The following KATNA1 variants were observed in gnomAD, a reference collection of about 807,000 sequenced individuals.
KATNA1 encodes the protein katanin p60 ATPase-containing subunit A1.
Under a neutral mutation model 62.6 loss-of-function variants are expected in KATNA1, and 42 were observed. The ratio of observed to expected loss-of-function variants is 0.67; its 90% CI spans 0.52 to 0.87. The LOEUF is 0.87. Among genes scored for constraint, KATNA1 ranks in the 40% least tolerant of loss-of-function variants. The pLI, the probability that KATNA1 is intolerant of heterozygous loss-of-function variation, is 0.00. For synonymous variants in KATNA1, 186 were observed against 201.9 expected (o/e 0.92, Z 0.67); for missense variants, 498 against 612.5 (o/e 0.81, Z 1.97).
At chr6:149,623,001 T>C in intron 4 of KATNA1, 102 bp downstream of exon 4, 3 of 882,924 alleles carry the variant, frequency 3.4e-6, no homozygotes, top group Non-Finnish European at 5.0e-6. Flanking sequence ...AGAGTGAGAC[T>C]GTCTCAAAAA....
chr6:149,604,661 C>T lies in KATNA1; in HGVS notation c.623G>A (p.Trp208Ter). Residue 208 changes from tryptophan (W) to a stop codon, truncating the protein, a stop_gained and splice_region_variant, in exon 5 of 11, where the codon TGG becomes TAG. Coordinates refer to ENST00000367411, the MANE Select transcript of KATNA1 (RefSeq NM_007044.4). LOFTEE classifies it high-confidence loss of function. ...ATTATTTGGTTGTGATATAACTTAC[C>T]ATCGAACATTGGGATTCTGGGAAAT... is the stretch of plus-strand genomic sequence containing the variant. ...DIISQNPNVR[W>*]DDIADLVEAK... 2.5e-6 allele frequency: 4 copies of T among 1,613,710 alleles called. No individual in the cohort carries two copies. Among genetic ancestry groups the T allele is most frequent in the Non-Finnish European group, 3.4e-6 (4 of 1,179,702 alleles).
chr6:149,607,620 A>T (rs1351309276), intron 4 of KATNA1, among the ~76,000 whole-genome samples: 1 of 152,196 alleles, frequency 6.6e-6, no homozygotes, highest in Non-Finnish European at 1.5e-5. Context: ...TCAAATAAAA[A>T]CAAACAATAA....
At chr6:149,623,012 A>C (rs972046518) in intron 4 of KATNA1, 91 bp downstream of exon 4, 1 of 1,056,520 alleles carries the variant, frequency 9.5e-7, no homozygotes, top group Admixed American at 3.1e-5. Flanking sequence ...GTCTCAAAAA[A>C]GGAAAAAAAG....
chr6:149,630,161 T>C (rs2114599592), intron 3 of KATNA1, among the ~76,000 whole-genome samples: 1 of 152,346 alleles, frequency 6.6e-6, no homozygotes, highest in South Asian at 2.1e-4. Flanking sequence ...CAATGAATTT[T>C]TCTATTTTTC....
At chr6:149,597,240 A>G (rs1454691458) in intron 9 of KATNA1, 51 bp from the exon 10 acceptor site, 2 of 1,569,018 alleles carry the variant, frequency 1.3e-6, no homozygotes, top group Non-Finnish European at 1.7e-6. Flanking sequence ...TAAACATAGT[A>G]TACTATTGTC....
intron 1 of KATNA1, among the ~76,000 whole-genome samples, chr6:149,645,461 A>AAC (rs1562306471): frequency 1.3e-5 from 2 of 151,428 alleles, no homozygotes; most frequent in African/African-American, 4.9e-5. Flanking sequence ...AAAAACAAAA[A>AAC]AAAAAAAAAG....
At chr6:149,599,037 A>G (rs1264961940) in intron 7 of KATNA1, among the ~76,000 whole-genome samples, 1 of 151,418 alleles carries the variant, frequency 6.6e-6, no homozygotes, top group Non-Finnish European at 1.5e-5. Flanking sequence ...GCTTATTTTT[A>G]TATTTTTGGT....
intron 6 of KATNA1, 37 bp downstream of exon 6, chr6:149,603,231 A>G: frequency 4.6e-6 from 4 of 863,160 alleles, no homozygotes; most frequent in Non-Finnish European, 7.5e-6. Flanking sequence ...ACATGCTGCC[A>G]TTTACTTTGA....
chr6:149,620,541 G>A (rs765691670), intron 4 of KATNA1, among the ~76,000 whole-genome samples: 7 of 152,082 alleles, frequency 4.6e-5, no homozygotes, highest in East Asian at 1.9e-4. Context: ...TGATCTGCCC[G>A]CCTTGGCCTC....
Position 149,601,737 on chromosome 6 carries a change from C to T in KATNA1, c.745G>A (p.Gly249Ser), listed in dbSNP as rs761454896. The part of the protein sequence containing the change: ...RRPWKGVLMV[G>S]PPGTGKTLLA... ...AGCGTCTTCCCCGTGCCAGGTGGGC[C>T]GACCATCAGTACTCCCTGTTGCGAA... is the stretch of plus-strand genomic sequence containing the variant. Residue 249 changes from glycine to serine, a missense_variant, in exon 7 of 11, where the codon GGC (glycine) becomes AGC (serine). Physicochemically the swap from Gly to Ser is moderately conservative, Grantham distance 56 (BLOSUM62 0). Transcript: ENST00000367411. 7.5e-6 allele frequency: 12 copies of T among 1,603,348 alleles called. No individual in the cohort carries two copies. The highest frequency in any genetic ancestry group is 2.2e-5 in the South Asian group (2 of 89,046).
rs73781249 is a variant in KATNA1 at position 149,597,630 on chromosome 6, T to C, written c.1027A>G (p.Thr343Ala). The C allele has an allele frequency of 8.0e-4, 1,286 of 1,613,794 alleles. 7 individuals are homozygous for C. The African/African-American group carries it at 0.015, about 19-fold the overall frequency. Residue 343 changes from threonine (T) to alanine (A), a missense_variant, in exon 9 of 11, where the codon ACT (threonine) becomes GCT (alanine). By Grantham distance (58) the Thr-to-Ala change is moderately conservative. Coordinates refer to ENST00000367411, the MANE Select transcript of KATNA1 (RefSeq NM_007044.4). Reference sequence around the variant, plus strand: ...TTGGAAGGGTCATCATTTTCAGAAGTACCTCCAACACCTAAAATAAGGGTA... The same window carrying C: ...TTGGAAGGGTCATCATTTTCAGAAGCACCTCCAACACCTAAAATAAGGGTA... ...LLVQMDGVGG[T>A]SENDDPSKMV...
Position 149,601,595 on chromosome 6 carries a change from A to AT in KATNA1, c.886dup (p.Met296AsnfsTer13). The AT allele has an allele frequency of 1.2e-6, 2 of 1,602,256 alleles. No homozygotes were observed. The highest frequency in any genetic ancestry group is 1.7e-6 in the Non-Finnish European group (2 of 1,175,326). On this transcript the variant is annotated frameshift_variant and splice_region_variant, in exon 7 of 11. Transcript: ENST00000367411. LOFTEE classifies it high-confidence loss of function. ...ATTAGAGCTGTCTCAAACATTCACC[A>AT]TTTCAAACAGAAGACGAACAAGCTT...
At chr6:149,640,334 G>A (rs1052863452) in intron 1 of KATNA1, among the ~76,000 whole-genome samples, 1 of 151,984 alleles carries the variant, frequency 6.6e-6, no homozygotes, top group Non-Finnish European at 1.5e-5. Context: ...GTGTGTGCCT[G>A]TAGTCCCAGC....
intron 4 of KATNA1, among the ~76,000 whole-genome samples, chr6:149,606,744 G>A (rs1378570242): frequency 9.3e-5 from 14 of 151,280 alleles, no homozygotes; most frequent in African/African-American, 2.9e-4. Context: ...TCAGCCTTCC[G>A]AGTAGCTGGG....
At chr6:149,595,990 C>G (rs942350176) in intron 10 of KATNA1, among the ~76,000 whole-genome samples, 1 of 152,182 alleles carries the variant, frequency 6.6e-6, no homozygotes, top group Non-Finnish European at 1.5e-5. Flanking sequence ...AGACTGTATT[C>G]TGTGCATATG....
intron 9 of KATNA1, 35 bp downstream of exon 9, chr6:149,597,472 T>C: frequency 6.2e-7 from 1 of 1,605,748 alleles, no homozygotes. Flanking sequence ...ACATGAAAGT[T>C]AACAGGCTTT....
At chr6:149,622,065 C>T (rs915377526) in intron 4 of KATNA1, among the ~76,000 whole-genome samples, 3 of 151,566 alleles carry the variant, frequency 2.0e-5, no homozygotes, top group Non-Finnish European at 4.4e-5. Context: ...TTATAAAGGT[C>T]TGTGGATTAG....
chr6:149,601,569 C>A, intron 7 of KATNA1, 25 bp downstream of exon 7: 1 of 1,575,156 alleles, frequency 6.3e-7, no homozygotes, highest in South Asian at 1.2e-5. Context: ...GGTAAAGAAT[C>A]ATTAGAGCTG....
intron 10 of KATNA1, 114 bp downstream of exon 10, chr6:149,596,949 T>C: frequency 9.6e-7 from 1 of 1,036,620 alleles, no homozygotes; most frequent in Admixed American, 2.4e-5. Context: ...TGACTGCGCC[T>C]CTACTCTCCA....
Sources: gnomAD v4.1 joint callset for allele counts (sites outside exome capture counted in the v4.1 genomes callset) on GRCh38, gnomAD v4.1.1 for gene constraint, MANE v1.5 for transcripts, NCBI Gene and HGNC (gene_info 2026-07-23, HGNC 2026-07-21) for gene names.